The following CACNA1I variants were observed in gnomAD, a reference collection of about 807,000 sequenced individuals.
CACNA1I encodes voltage-dependent T-type calcium channel subunit alpha-1I.
A neutral mutation model predicts 201.6 loss-of-function variants in CACNA1I; 74 were observed. The ratio of observed to expected loss-of-function variants is 0.37; its 90% CI spans 0.30 to 0.45. CACNA1I has a LOEUF of 0.45. Ranked by LOEUF, CACNA1I falls within the 20% of genes least tolerant of loss-of-function variation. The pLI is 1.00. For synonymous variants in CACNA1I, 1,431 were observed against 1,345.2 expected (o/e 1.06, Z -1.40); for missense variants, 2,346 against 3,138.1 (o/e 0.75, Z 6.03).
intron 3 of CACNA1I, among the ~76,000 whole-genome samples, chr22:39,608,681 A>T (rs1223158934): frequency 6.7e-6 from 1 of 148,226 alleles, no homozygotes; most frequent in Non-Finnish European, 1.5e-5. Context: ...TAAAAAAAAA[A>T]AAAATGTGTG....
At chr22:39,576,960 CTTT>C (rs763038364) in intron 1 of CACNA1I, among the ~76,000 whole-genome samples, 2 of 142,110 alleles carry the variant, frequency 1.4e-5, no homozygotes, top group South Asian at 4.5e-4. Context: ...TCTTCTTCTT[CTTT>C]TTTTTTGAGA....
At chr22:39,681,725 G>C (rs1661381594) in intron 34 of CACNA1I, among the ~76,000 whole-genome samples, 1 of 151,970 alleles carries the variant, frequency 6.6e-6, no homozygotes, top group Non-Finnish European at 1.5e-5. Context: ...TGCCCTGCTG[G>C]GGGTGGGGGG....
rs1362519372 is a variant in CACNA1I, at chr22:39,689,732, A to G, written c.*3327A>G. 1 of 152,708 alleles carries G rather than the reference A, an allele frequency of 6.5e-6. No individual in the cohort carries two copies. Among genetic ancestry groups the G allele is most frequent in the Non-Finnish European group, 1.5e-5 (1 of 68,078 alleles). The allele number at this position is 152,708 out of a possible 1,614,324, so 9.5% of individuals were successfully genotyped here. On this transcript the variant is annotated 3_prime_UTR_variant, in exon 37 of 37. Transcript: ENST00000402142. The stretch of plus-strand genomic sequence containing the variant: ...GAATAAAAGCCCAGAAGCCTATTTA[A>G]GAATTTCTCCGTGTGTCTCTGCTGT...
Position 39,670,788 on chromosome 22 carries a change from C to T in CACNA1I, c.4388-15C>T, listed in dbSNP as rs758301695. On this transcript the variant is annotated splice_polypyrimidine_tract_variant and intron_variant, in intron 25 of 36. Coordinates refer to ENST00000402142, the MANE Select transcript of CACNA1I (RefSeq NM_021096.4). Reference sequence around the variant, plus strand: ...CCCTCTGTGGTCTTTGCCACTCCCCCTGCACCACCTGCAGAGGCCCAGCGG... The same window carrying T: ...CCCTCTGTGGTCTTTGCCACTCCCCTTGCACCACCTGCAGAGGCCCAGCGG... 18 of 1,613,818 alleles carry T rather than the reference C, an allele frequency of 1.1e-5. No homozygotes were observed. Among genetic ancestry groups the T allele is most frequent in the Non-Finnish European group, 1.5e-5 (18 of 1,179,792 alleles).
intron 15 of CACNA1I, 68 bp from the exon 16 acceptor site, chr22:39,661,040 G>A (rs1279223494): frequency 7.3e-6 from 9 of 1,238,162 alleles, no homozygotes; most frequent in Admixed American, 5.6e-5. Flanking sequence ...CTGTCTCGTG[G>A]CTCCCTTGCT....
rs570156575 is a variant in CACNA1I at position 39,613,043 on chromosome 22, C to T, written c.483-6267C>T. ...TTAAATCACATTTTAAGAAAGCCCC[C>T]GTGGGCCCCTTGTGAAGATTGAGGA... On this transcript the variant is annotated intron_variant, in intron 3 of 36. Coordinates refer to ENST00000402142, the MANE Select transcript of CACNA1I (RefSeq NM_021096.4). Among the ~76,000 whole-genome samples the T allele has an allele frequency of 7.9e-5, 12 of 152,328 alleles. No individual in the cohort carries two copies. In the East Asian group the frequency reaches 9.6e-4, roughly 12 times the overall value.
intron 3 of CACNA1I, among the ~76,000 whole-genome samples, chr22:39,618,185 A>G (rs1933604146): frequency 7.5e-6 from 1 of 133,260 alleles, no homozygotes; most frequent in African/African-American, 2.9e-5. Flanking sequence ...GTGTGTGGGT[A>G]TGTGGTTGTG....
At chr22:39,582,643 A>C (rs1420785708) in intron 1 of CACNA1I, among the ~76,000 whole-genome samples, 1 of 152,034 alleles carries the variant, frequency 6.6e-6, no homozygotes, top group African/African-American at 2.4e-5. Flanking sequence ...GAGATGGTAC[A>C]GTCACATAGA....
At chr22:39,650,618 C>T (rs550714800) in intron 10 of CACNA1I, among the ~76,000 whole-genome samples, 96 of 152,372 alleles carry the variant, frequency 6.3e-4, no homozygotes, top group Middle Eastern at 3.4e-3. Context: ...TCTGTCACAA[C>T]GTCCCTTCAC....
At position 39,662,314 on chromosome 22, in the gene CACNA1I, C is replaced by T; in HGVS notation, c.3251C>T (p.Ala1084Val). Reference sequence around the variant, plus strand: ...GCCCACCCCCGGGCCGCCTGGAGGGCGGCAGGCCCGGCCCCCGGGCATGAG... The same window carrying T: ...GCCCACCCCCGGGCCGCCTGGAGGGTGGCAGGCCCGGCCCCCGGGCATGAG... The part of the protein sequence containing the change: ...VGAHPRAAWR[A>V]AGPAPGHEDC... The change falls in exon 17 of 37, where the codon GCG becomes GTG. Residue 1084 changes from alanine to valine, a missense_variant. Coordinates refer to ENST00000402142, the MANE Select transcript of CACNA1I (RefSeq NM_021096.4). The T allele has an allele frequency of 6.8e-7, 1 of 1,479,668 alleles. No homozygotes were observed. The highest frequency in any genetic ancestry group is 8.9e-7 in the Non-Finnish European group (1 of 1,123,556). 91.7% of individuals were successfully genotyped at this position (1,479,668 alleles called of 1,614,324 possible).
intron 4 of CACNA1I, among the ~76,000 whole-genome samples, chr22:39,630,666 T>C (rs1053236356): frequency 1.6e-4 from 24 of 152,134 alleles, no homozygotes; most frequent in Admixed American, 4.6e-4. Flanking sequence ...CAGGCTATGA[T>C]GGAGGGCGGG....
At chr22:39,675,772 C>T (rs1935498287) in intron 29 of CACNA1I, among the ~76,000 whole-genome samples, 1 of 152,116 alleles carries the variant, frequency 6.6e-6, no homozygotes, top group Non-Finnish European at 1.5e-5. Context: ...GGGGAGGAGG[C>T]ATTTTACAGG....
At chr22:39,596,091 C>T (rs1291313772) in intron 1 of CACNA1I, among the ~76,000 whole-genome samples, 3 of 130,584 alleles carry the variant, frequency 2.3e-5, no homozygotes, top group Admixed American at 8.6e-5. Context: ...GTCTGAGGAG[C>T]GGCAGGAGCC....
chr22:39,680,202 G>T (rs1666973830), intron 33 of CACNA1I, among the ~76,000 whole-genome samples: 1 of 152,138 alleles, frequency 6.6e-6, no homozygotes, highest in Admixed American at 6.5e-5. Context: ...TGACATGAGG[G>T]GTCATCTGCC....
At chr22:39,640,280 T>C (rs1934319961) in intron 5 of CACNA1I, among the ~76,000 whole-genome samples, 1 of 152,112 alleles carries the variant, frequency 6.6e-6, no homozygotes, top group African/African-American at 2.4e-5. Flanking sequence ...TCCTATCTAC[T>C]CAGGAGGCTG....
At chr22:39,660,250 T>C (rs1934961709) in intron 14 of CACNA1I, 94 bp from the exon 15 acceptor site, 1 of 885,836 alleles carries the variant, frequency 1.1e-6, no homozygotes, top group Non-Finnish European at 1.7e-6. Context: ...ATTTGCAAAA[T>C]GGCGGTGGAA....
rs998978944 is a variant in CACNA1I, at chr22:39,666,544, C to T, written c.4104+538C>T. On this transcript the variant is annotated intron_variant, in intron 23 of 36. Coordinates refer to ENST00000402142, the MANE Select transcript of CACNA1I (RefSeq NM_021096.4). This position sits in a 1 kb window ranked among gnomAD's most constrained non-coding sequence, Gnocchi z 4.1. ...GTGTCTGCTTTCCCCTTGGTCTCCT[C>T]TCCTGAGGGCCTGCCAGGTGTGACC... 2.4e-4 allele frequency among the ~76,000 whole-genome samples: 36 copies of T among 152,352 alleles called. No homozygotes were observed. Among genetic ancestry groups the T allele is most frequent in the African/African-American group, 8.2e-4 (34 of 41,582 alleles).
intron 1 of CACNA1I, among the ~76,000 whole-genome samples, chr22:39,589,989 C>A (rs1198889234): frequency 6.6e-6 from 1 of 152,134 alleles, no homozygotes; most frequent in Non-Finnish European, 1.5e-5. Context: ...CCTCCCAGAG[C>A]CCCCCGAATC....
Position 39,598,243 on chromosome 22 carries a change from A to C in CACNA1I, c.329A>C (p.Asp110Ala). Residue 110 changes from aspartate (D) to alanine (A), a missense_variant, in exon 2 of 37, where the codon GAC becomes GCC. By Grantham distance (126) the Asp-to-Ala change is moderately radical. Around this residue, in one of 13 missense-constraint regions of CACNA1I, gnomAD observed 130 missense variants for 160.7 expected, o/e 0.81. Transcript: ENST00000402142. The stretch of plus-strand genomic sequence containing the variant: ...TGCGACGACATGGACTGCCTGTCCG[A>C]CCGCTGCAAGATCCTGCAGGTGAGC... ...QPCDDMDCLSDRCKILQVFDD... is the reference protein window; with the variant it reads ...QPCDDMDCLSARCKILQVFDD... 1 of 1,598,530 alleles carries C rather than the reference A, an allele frequency of 6.3e-7. No homozygotes were observed. The highest frequency in any genetic ancestry group is 8.5e-7 in the Non-Finnish European group (1 of 1,173,306).
Sources: gnomAD v4.1 joint callset for allele counts (sites outside exome capture counted in the v4.1 genomes callset) on GRCh38, gnomAD v4.1.1 for gene constraint, gnomAD v4.1.1 regional missense constraint, Gnocchi (gnomAD v3.1) non-coding constraint, MANE v1.5 for transcripts, NCBI Gene and HGNC (gene_info 2026-07-23, HGNC 2026-07-21) for gene names.